Variants in MTARC2 observed in about 807,000 individuals in gnomAD.
The protein encoded by MTARC2 is mitochondrial amidoxime reducing component 2.
Under a neutral mutation model 35.6 loss-of-function variants are expected in MTARC2, and 27 were observed. The ratio of observed to expected loss-of-function variants is 0.76; its 90% CI spans 0.56 to 1.04. The LOEUF (loss-of-function observed/expected upper bound fraction) is 1.04, where lower values mean the gene tolerates loss of function less well. MTARC2 is among the 50% of genes least tolerant of loss of function. MTARC2 has a pLI of 0.00. For missense variants in MTARC2, 412 were observed against 432.5 expected (o/e 0.95, Z 0.42); for synonymous variants, 158 against 167.1 (o/e 0.95, Z 0.42).
At chr1:220,768,845 T>C (rs1671654412) in intron 4 of MTARC2, among the ~76,000 whole-genome samples, 1 of 152,184 alleles carries the variant, frequency 6.6e-6, no homozygotes, top group Non-Finnish European at 1.5e-5. Context: ...GCCTGGGGAA[T>C]GCAGGTGTCC....
chr1:220,749,591 C>T (rs868551730), intron 1 of MTARC2, among the ~76,000 whole-genome samples: 13 of 152,086 alleles, frequency 8.5e-5, no homozygotes, highest in South Asian at 4.2e-4. Context: ...CCACCACGCC[C>T]GGCTAATTTT....
At chr1:220,781,290 C>T (rs58383595) in intron 6 of MTARC2, among the ~76,000 whole-genome samples, 310 of 152,314 alleles carry the variant, frequency 2.0e-3, no homozygotes, top group African/African-American at 7.2e-3. Flanking sequence ...AAAAGATTAA[C>T]ATCTGCAGTA....
At chr1:220,783,520 T>C (rs900534498) in intron 7 of MTARC2, among the ~76,000 whole-genome samples, 11 of 152,148 alleles carry the variant, frequency 7.2e-5, no homozygotes, top group Admixed American at 2.6e-4. Context: ...ACCATAACGA[T>C]TGAGGGTTTT....
At chr1:220,764,785 A>G (rs1055937296) in intron 4 of MTARC2, among the ~76,000 whole-genome samples, 1 of 151,892 alleles carries the variant, frequency 6.6e-6, no homozygotes, top group African/African-American at 2.4e-5. Context: ...AAAAAAAAAA[A>G]AGGAAAAGAA....
At chr1:220,775,486 C>G (rs1396849620) in intron 4 of MTARC2, among the ~76,000 whole-genome samples, 1 of 152,116 alleles carries the variant, frequency 6.6e-6, no homozygotes, top group African/African-American at 2.4e-5. Flanking sequence ...TAGGGAAGAC[C>G]CCGGAATCTT....
chr1:220,772,778 C>A (rs1429890123), intron 4 of MTARC2, among the ~76,000 whole-genome samples: 1 of 151,980 alleles, frequency 6.6e-6, no homozygotes, highest in African/African-American at 2.4e-5. Flanking sequence ...TTGCGGGAAC[C>A]ATGGCATGGT....
At chr1:220,760,606 T>C (rs1193730473) in intron 2 of MTARC2, among the ~76,000 whole-genome samples, 1 of 152,236 alleles carries the variant, frequency 6.6e-6, no homozygotes, top group African/African-American at 2.4e-5. Context: ...AATTTCACTT[T>C]TTAAGTTCAT....
At chr1:220,778,451 C>T (rs997150835) in intron 4 of MTARC2, among the ~76,000 whole-genome samples, 2 of 151,972 alleles carry the variant, frequency 1.3e-5, no homozygotes, top group South Asian at 2.1e-4. Flanking sequence ...TTTTAAGCAA[C>T]CGGATCTCGC....
intron 7 of MTARC2, among the ~76,000 whole-genome samples, chr1:220,783,161 T>C (rs779352796): frequency 2.0e-4 from 30 of 152,234 alleles, no homozygotes; most frequent in Non-Finnish European, 3.2e-4. Flanking sequence ...ACATCTCTGA[T>C]ATCAGTCAGC....
chr1:220,770,480 G>C (rs1338793196), intron 4 of MTARC2: 2 of 985,276 alleles, frequency 2.0e-6, no homozygotes. Flanking sequence ...TGTAAGGAGA[G>C]GTCATTCACT....
chr1:220,783,244 T>G (rs1356932120), intron 7 of MTARC2, among the ~76,000 whole-genome samples: 2 of 152,222 alleles, frequency 1.3e-5, no homozygotes, highest in Non-Finnish European at 2.9e-5. Flanking sequence ...CATATAATAA[T>G]GGTGCATCTT....
intron 4 of MTARC2, among the ~76,000 whole-genome samples, chr1:220,774,564 C>T (rs796708701): frequency 0.024 from 3,611 of 152,266 alleles, 109 homozygotes; most frequent in African/African-American, 0.064. Context: ...GGCGCCAGTC[C>T]TGCGACAGAG....
intron 4 of MTARC2, among the ~76,000 whole-genome samples, chr1:220,764,923 G>T (rs986122503): frequency 6.6e-6 from 1 of 152,230 alleles, no homozygotes; most frequent in Non-Finnish European, 1.5e-5. Context: ...GGTCAGGCAT[G>T]GTTTGTAGGA....
At chr1:220,758,361 TA>T (rs1671339779) in intron 2 of MTARC2, among the ~76,000 whole-genome samples, 1 of 152,158 alleles carries the variant, frequency 6.6e-6, no homozygotes, top group African/African-American at 2.4e-5. Context: ...TAAGTTTTTT[TA>T]TACTAATTAT....
Position 220,781,990 on chromosome 1 carries a change from T to C in MTARC2, c.*31+58T>C, listed in dbSNP as rs879143840. On this transcript the variant is annotated intron_variant, in intron 7 of 7. Transcript: ENST00000366913. ...TCTTGAAGCCATTGCTGCATTTTCT[T>C]GTGTTAATTTTTTTTATGTTATGCT... 11 of 1,428,656 alleles carry C rather than the reference T, an allele frequency of 7.7e-6. No individual in the cohort carries two copies. The South Asian group carries it at 1.2e-4, about 15-fold the overall frequency. The allele number at this position is 1,428,656 out of a possible 1,614,324, so 88.5% of individuals were successfully genotyped here. A position where few individuals can be genotyped will look rare whatever the true frequency, so the allele number is the denominator to read the frequency against.
At chr1:220,758,799 T>C (rs1255578191) in intron 2 of MTARC2, among the ~76,000 whole-genome samples, 1 of 151,958 alleles carries the variant, frequency 6.6e-6, no homozygotes, top group African/African-American at 2.4e-5. Context: ...ATTGAATTTG[T>C]GGTTCAATTT....
chr1:220,751,703 C>T lies in MTARC2; in HGVS notation c.272+2900C>T, dbSNP rs562748160. Among the ~76,000 whole-genome samples, 26 of 152,272 alleles carry T rather than the reference C, an allele frequency of 1.7e-4. No homozygotes were observed. In the East Asian group the frequency reaches 3.3e-3, roughly 19 times the overall value. On this transcript the variant is annotated intron_variant, in intron 1 of 7. Transcript: ENST00000366913. ...CCGTTGCTGTTGGTTGTTCGGGGCT[C>T]TATAGCTCTTTTGGGGAATCGGGGC... is the stretch of plus-strand genomic sequence containing the variant.
At position 220,784,756 on chromosome 1, in the gene MTARC2, CCTACTTACAATT is replaced by C. The variant is rs1488037924; in HGVS notation, c.*870_*881del. On this transcript the variant is annotated 3_prime_UTR_variant, in exon 8 of 8. Transcript: ENST00000366913. ...CTGAAATAGTATGTGGATGAATTCA[CCTACTTACAATT>C]TTATGGTTTCTTTGTAAATAATAAA... 1.3e-5 allele frequency: 2 copies of C among 152,186 alleles called. No homozygotes were observed. The highest frequency in any genetic ancestry group is 2.9e-5 in the Non-Finnish European group (2 of 68,036). The allele number at this position is 152,186 out of a possible 1,614,324, so 9.4% of individuals were successfully genotyped here.
chr1:220,748,813 A>G lies in MTARC2; in HGVS notation c.272+10A>G. ...GCAACCTGCGGGACAGGTACAGCAC[A>G]GCGCGGGCGCGGGGCAGCGCGGAGC... On this transcript the variant is annotated intron_variant, in intron 1 of 7. Transcript: ENST00000366913. The G allele has an allele frequency of 6.4e-7, 1 of 1,571,106 alleles. No individual in the cohort carries two copies. Among genetic ancestry groups the G allele is most frequent in the African/African-American group, 1.4e-5 (1 of 72,756 alleles).
Sources: gnomAD v4.1 joint callset for allele counts (sites outside exome capture counted in the v4.1 genomes callset) on GRCh38, gnomAD v4.1.1 for gene constraint, MANE v1.5 for transcripts, NCBI Gene and HGNC (gene_info 2026-07-23, HGNC 2026-07-21) for gene names.